SAMD13: variants seen among roughly 807,000 people sequenced by gnomAD.
The protein encoded by SAMD13 is sterile alpha motif domain containing 13, also known as sterile alpha motif domain-containing protein 13.
In SAMD13, 9 loss-of-function variants were observed where a neutral mutation model predicts 12.4. The ratio of observed to expected loss-of-function variants is 0.72; its 90% CI spans 0.44 to 1.26. The LOEUF (loss-of-function observed/expected upper bound fraction) is 1.26. Ranked by LOEUF, SAMD13 falls within the 50% of genes most tolerant of loss-of-function variation. SAMD13 has a pLI of 0.00. For missense variants in SAMD13, 84 were observed against 119.6 expected (o/e 0.70, Z 1.39); for synonymous variants, 46 against 45.4 (o/e 1.01, Z -0.05).
At chr1:84,336,047 A>T (rs777527990) in intron 3 of SAMD13, among the ~76,000 whole-genome samples, 51 of 152,110 alleles carry the variant, frequency 3.4e-4, no homozygotes, top group Non-Finnish European at 6.5e-4. Context: ...TTTGTATAGT[A>T]TCTCACAAGG....
At chr1:84,326,860 T>C (rs1259599697) in intron 3 of SAMD13, among the ~76,000 whole-genome samples, 1 of 152,222 alleles carries the variant, frequency 6.6e-6, no homozygotes, top group Non-Finnish European at 1.5e-5. Context: ...AACCTATATT[T>C]ACTTCAGACT....
At chr1:84,327,932 T>C (rs924030246) in intron 3 of SAMD13, among the ~76,000 whole-genome samples, 14 of 152,188 alleles carry the variant, frequency 9.2e-5, no homozygotes, top group Non-Finnish European at 1.5e-5. Context: ...TGGAACATAT[T>C]TTATTTTGTT....
intron 3 of SAMD13, among the ~76,000 whole-genome samples, chr1:84,349,254 A>G (rs1205680561): frequency 6.6e-6 from 1 of 152,224 alleles, no homozygotes; most frequent in Admixed American, 6.5e-5. Context: ...TGTTTTAGAA[A>G]TTAAGTTCAT....
intron 3 of SAMD13, among the ~76,000 whole-genome samples, chr1:84,337,039 T>C (rs1204060009): frequency 6.6e-6 from 1 of 152,194 alleles, no homozygotes; most frequent in Non-Finnish European, 1.5e-5. Context: ...ATGCAAGAAG[T>C]GGGTTCCCAT....
At chr1:84,333,275 A>G (rs1194074308) in intron 3 of SAMD13, among the ~76,000 whole-genome samples, 1 of 152,176 alleles carries the variant, frequency 6.6e-6, no homozygotes, top group African/African-American at 2.4e-5. Flanking sequence ...TAGAAATAGC[A>G]TTGAATCTGT....
intron 2 of SAMD13, among the ~76,000 whole-genome samples, chr1:84,321,190 A>C (rs1678935637): frequency 6.6e-6 from 1 of 152,148 alleles, no homozygotes; most frequent in African/African-American, 2.4e-5. Context: ...TTGTTTAATT[A>C]GGGTATAATC....
chr1:84,319,693 TAGAA>T (rs1678902404), intron 2 of SAMD13, among the ~76,000 whole-genome samples: 2 of 151,430 alleles, frequency 1.3e-5, no homozygotes, highest in African/African-American at 2.4e-5. Flanking sequence ...AATGTACAGA[TAGAA>T]AGAGGAAAAG....
At chr1:84,344,870 G>GT (rs769293070) in intron 3 of SAMD13, 3 of 456,502 alleles carry the variant, frequency 6.6e-6, no homozygotes. Context: ...AATGAAATGA[G>GT]TATGACAAGT....
intron 2 of SAMD13, among the ~76,000 whole-genome samples, chr1:84,322,670 A>C (rs1437403167): frequency 6.6e-6 from 1 of 151,950 alleles, no homozygotes; most frequent in Non-Finnish European, 1.5e-5. Flanking sequence ...CAGGCTTTTA[A>C]ACTTAGGTAG....
chr1:84,330,318 G>T (rs565612611), intron 3 of SAMD13, among the ~76,000 whole-genome samples: 2 of 152,226 alleles, frequency 1.3e-5, no homozygotes, highest in South Asian at 4.2e-4. Context: ...TGCACAACAC[G>T]GCACAAAACC....
rs1027224824 is a variant in SAMD13 at position 84,349,501 on chromosome 1, A to G, written c.166-130A>G. 13 of 1,443,620 alleles carry G rather than the reference A, an allele frequency of 9.0e-6. No homozygotes were observed. In the African/African-American group the frequency reaches 1.7e-4, roughly 19 times the overall value. 89.4% of individuals were successfully genotyped at this position (1,443,620 alleles called of 1,614,324 possible). ...AGGATTGCATTTTTTCCATTTTGGC[A>G]CTACTACAAATGTAATGTTTTTAGC... On this transcript the variant is annotated intron_variant, in intron 3 of 3. Coordinates refer to ENST00000394834, the MANE Select transcript of SAMD13 (RefSeq NM_001134663.2).
chr1:84,312,271 G>A (rs1678732443), intron 2 of SAMD13, among the ~76,000 whole-genome samples: 1 of 151,192 alleles, frequency 6.6e-6, no homozygotes, highest in Non-Finnish European at 1.5e-5. Context: ...TTTTTCTCTT[G>A]CTATGTTCCA....
chr1:84,299,386 T>G (rs1188819181), upstream of SAMD13, among the ~76,000 whole-genome samples: 1 of 152,182 alleles, frequency 6.6e-6, no homozygotes, highest in East Asian at 1.9e-4. Context: ...TATTTCAGCA[T>G]ATAATTTGGA....
At chr1:84,309,801 A>G (rs982275794) in intron 2 of SAMD13, among the ~76,000 whole-genome samples, 5 of 152,204 alleles carry the variant, frequency 3.3e-5, no homozygotes, top group African/African-American at 1.2e-4. Flanking sequence ...GCCAATTAAC[A>G]TATGAAGAGG....
At chr1:84,316,101 T>A (rs1026078300) in intron 2 of SAMD13, among the ~76,000 whole-genome samples, 1 of 152,182 alleles carries the variant, frequency 6.6e-6, no homozygotes, top group Admixed American at 6.6e-5. Context: ...AAGCATTCCT[T>A]ATATATTTTA....
intron 2 of SAMD13, among the ~76,000 whole-genome samples, chr1:84,306,132 T>A (rs548494093): frequency 6.6e-6 from 1 of 152,304 alleles, no homozygotes; most frequent in African/African-American, 2.4e-5. Flanking sequence ...CTCCATTTGC[T>A]TATGTCTTCT....
At chr1:84,340,291 A>C (rs369085694) in intron 3 of SAMD13, among the ~76,000 whole-genome samples, 1 of 152,256 alleles carries the variant, frequency 6.6e-6, no homozygotes, top group South Asian at 2.1e-4. Context: ...ACATGGATAA[A>C]CATTGAAAAC....
In SAMD13 at chr1:84,325,577, G is replaced by A. The variant is rs563538096; in HGVS notation, c.54-60G>A. ...CCTGTCCCAGAAGACCCATTTGTGA[G>A]CCTGGCCACACCCTTGTGCAGGCAC... On this transcript the variant is annotated intron_variant, in intron 2 of 3. Coordinates refer to ENST00000394834, the MANE Select transcript of SAMD13 (RefSeq NM_001134663.2). 2.0e-4 allele frequency: 208 copies of A among 1,024,010 alleles called. No homozygotes were observed. The African/African-American group carries it at 3.0e-3, about 15-fold the overall frequency. 63.4% of individuals were successfully genotyped at this position (1,024,010 alleles called of 1,614,324 possible).
intron 3 of SAMD13, chr1:84,344,898 A>G (rs1363171777): frequency 2.2e-6 from 1 of 456,620 alleles, no homozygotes; most frequent in East Asian, 6.9e-5. Context: ...GAACCGAACC[A>G]AAAGGGAAAC....
Sources: allele counts gnomAD v4.1 joint callset (sites outside exome capture counted in the v4.1 genomes callset), GRCh38; gene constraint gnomAD v4.1.1; transcripts MANE v1.5; gene names NCBI Gene and HGNC (gene_info 2026-07-23, HGNC 2026-07-21).